Variants in TANC2 observed in about 807,000 individuals in gnomAD.
TANC2 encodes the protein tetratricopeptide repeat, ankyrin repeat and coiled-coil containing 2.
A neutral mutation model predicts 210.5 loss-of-function variants in TANC2; 26 were observed. The ratio of observed to expected loss-of-function variants is 0.12; its 90% CI spans 0.09 to 0.17. The LOEUF (loss-of-function observed/expected upper bound fraction) is 0.17, where lower values mean the gene tolerates loss of function less well. Among genes scored for constraint, TANC2 ranks in the 10% least tolerant of loss-of-function variants. The pLI, the probability that TANC2 is intolerant of heterozygous loss-of-function variation, is 1.00. For synonymous variants in TANC2, 931 were observed against 967.1 expected, an observed-to-expected ratio of 0.96 and a Z score of 0.69; for missense variants, 2,129 against 2,608.9, an observed-to-expected ratio of 0.82 and a Z score of 4.01.
chr17:63,152,763 G>T (rs996833496), intron 5 of TANC2: 1 of 151,918 alleles, frequency 6.6e-6, no homozygotes, highest in Non-Finnish European at 1.5e-5. Flanking sequence ...CCTATCAGAG[G>T]CCTTTTCCAG....
intron 18 of TANC2, among the ~76,000 whole-genome samples, chr17:63,397,815 G>GT (rs2048217284): frequency 1.3e-5 from 2 of 152,168 alleles, no homozygotes; most frequent in East Asian, 3.8e-4. Flanking sequence ...TTTAACCTTT[G>GT]TTTTTAATGT....
intron 7 of TANC2, among the ~76,000 whole-genome samples, chr17:63,225,709 A>C (rs975234059): frequency 2.0e-5 from 3 of 152,186 alleles, no homozygotes; most frequent in African/African-American, 7.2e-5. Flanking sequence ...CAAATTATCA[A>C]GTCCATTCAT....
chr17:63,155,758 A>G (rs539794225), intron 5 of TANC2, among the ~76,000 whole-genome samples: 2 of 152,332 alleles, frequency 1.3e-5, no homozygotes, highest in East Asian at 1.9e-4. Flanking sequence ...AAATTAGCAT[A>G]TATTTAAAAC....
intron 2 of TANC2, among the ~76,000 whole-genome samples, chr17:63,071,814 G>T (rs2036407103): frequency 6.6e-6 from 1 of 151,992 alleles, no homozygotes; most frequent in Non-Finnish European, 1.5e-5. Flanking sequence ...TTTTAACATC[G>T]TTTTTATGAG....
At chr17:63,227,271 C>T (rs1290029612) in intron 7 of TANC2, among the ~76,000 whole-genome samples, 1 of 152,040 alleles carries the variant, frequency 6.6e-6, no homozygotes, top group East Asian at 1.9e-4. Flanking sequence ...TCTGTTGTTT[C>T]TTGACTTTTT....
At chr17:63,231,693 A>G (rs543447274) in intron 7 of TANC2, among the ~76,000 whole-genome samples, 13 of 151,806 alleles carry the variant, frequency 8.6e-5, no homozygotes, top group Non-Finnish European at 1.9e-4. Flanking sequence ...CCCTTAATGT[A>G]TTTTACTTCA....
At chr17:62,993,856 G>A (rs957178256) in intron 1 of TANC2, among the ~76,000 whole-genome samples, 2 of 152,166 alleles carry the variant, frequency 1.3e-5, no homozygotes, top group East Asian at 3.9e-4. Flanking sequence ...TTGAGCCCAG[G>A]AGTTTAAGGC....
intron 8 of TANC2, among the ~76,000 whole-genome samples, chr17:63,259,047 C>T (rs184738323): frequency 6.6e-6 from 1 of 152,244 alleles, no homozygotes; most frequent in African/African-American, 2.4e-5. Context: ...AATAATGAAT[C>T]CTGCCAGTAC....
rs765187847 is a variant in TANC2 at position 63,420,538 on chromosome 17, C to G, written c.4808C>G (p.Pro1603Arg). Residue 1603 changes from proline (P) to arginine (R), a missense_variant, in exon 28 of 28, where the codon CCT (proline) becomes CGT (arginine). Physicochemically the swap from Pro to Arg is moderately radical, Grantham distance 103. Coordinates refer to ENST00000689528, the Ensembl canonical transcript of TANC2. The surrounding 1 kb of genome is among the most constrained non-coding windows in gnomAD (Gnocchi z 4.2). ...GGAGGATCTTACCGTTTCAGCCCCC[C>G]TCCTGTGGGAGGACAGGGCAAAGAA... The G allele has an allele frequency of 7.4e-6, 12 of 1,613,928 alleles. No homozygotes were observed. In the Admixed American group the frequency reaches 1.5e-4, roughly 20 times the overall value.
At chr17:63,408,375 G>A (rs1380818929) in intron 21 of TANC2, among the ~76,000 whole-genome samples, 2 of 152,144 alleles carry the variant, frequency 1.3e-5, no homozygotes, top group African/African-American at 4.8e-5. Context: ...TTGGATTTTG[G>A]AAGTATTTAA....
intron 19 of TANC2, among the ~76,000 whole-genome samples, chr17:63,400,180 C>G (rs2048298720): frequency 6.6e-6 from 1 of 152,212 alleles, no homozygotes; most frequent in African/African-American, 2.4e-5. Context: ...TCCAGCAGAC[C>G]CTTTGTTGCC....
chr17:63,069,704 GTT>G (rs149562931), intron 2 of TANC2, among the ~76,000 whole-genome samples: 4,486 of 152,108 alleles, frequency 0.029, 82 homozygotes, highest in South Asian at 0.037. Flanking sequence ...ATTCTAAAAA[GTT>G]TCTTATTTTT....
At chr17:62,982,607 G>A (rs763783864) in intron 1 of TANC2, among the ~76,000 whole-genome samples, 1 of 152,066 alleles carries the variant, frequency 6.6e-6, no homozygotes, top group Non-Finnish European at 1.5e-5. Context: ...ACCACCACTT[G>A]CTGTCTTTCA....
chr17:63,163,942 G>A (rs532287452), intron 5 of TANC2, among the ~76,000 whole-genome samples: 80 of 152,196 alleles, frequency 5.3e-4, no homozygotes, highest in Non-Finnish European at 1.0e-3. Flanking sequence ...TTTAAAGACT[G>A]GCTACATATT....
At chr17:63,385,090 G>A (rs2047736084) in intron 15 of TANC2, among the ~76,000 whole-genome samples, 1 of 152,134 alleles carries the variant, frequency 6.6e-6, no homozygotes, top group African/African-American at 2.4e-5. Context: ...GGGCTGTTGT[G>A]AAGATTAGAT....
chr17:63,306,778 C>G (rs772116044), intron 9 of TANC2, among the ~76,000 whole-genome samples: 1 of 152,062 alleles, frequency 6.6e-6, no homozygotes, highest in Admixed American at 6.5e-5. Flanking sequence ...ATAGCAAGAC[C>G]CCATTTCTAC....
chr17:63,249,252 T>C (rs2042994243), intron 8 of TANC2, among the ~76,000 whole-genome samples: 1 of 152,208 alleles, frequency 6.6e-6, no homozygotes, highest in Admixed American at 6.6e-5. Flanking sequence ...CATACACCTT[T>C]AAATTAAAAT....
intron 12 of TANC2, among the ~76,000 whole-genome samples, chr17:63,340,784 C>T (rs753149018): frequency 3.7e-4 from 56 of 152,106 alleles, no homozygotes; most frequent in Non-Finnish European, 5.9e-4. Context: ...TCTGTATAAA[C>T]CAGAAATCAT....
At chr17:62,982,939 A>G (rs376030319) in intron 1 of TANC2, among the ~76,000 whole-genome samples, 1 of 152,158 alleles carries the variant, frequency 6.6e-6, no homozygotes, top group African/African-American at 2.4e-5. Flanking sequence ...TGCTTTGGCT[A>G]TTTGAAGACT....
Sources: gnomAD v4.1 joint callset for allele counts (sites outside exome capture counted in the v4.1 genomes callset) on GRCh38, gnomAD v4.1.1 for gene constraint, Gnocchi (gnomAD v3.1) non-coding constraint, MANE v1.5 for transcripts, NCBI Gene and HGNC (gene_info 2026-07-23, HGNC 2026-07-21) for gene names.